The following BTBD9 variants were observed in gnomAD, a reference collection of about 807,000 sequenced individuals.
BTBD9 encodes the protein BTB/POZ domain-containing protein 9.
A neutral mutation model predicts 64.3 loss-of-function variants in BTBD9; 49 were observed. That is an observed-to-expected ratio of 0.76 (90% CI 0.61 to 0.97). BTBD9 has a LOEUF of 0.97. Ranked by LOEUF, BTBD9 falls within the 50% of genes least tolerant of loss-of-function variation. BTBD9 has a pLI of 0.00. For missense variants in BTBD9, 598 were observed against 762.1 expected, an observed-to-expected ratio of 0.78 and a Z score of 2.53; for synonymous variants, 260 against 274.7, an observed-to-expected ratio of 0.95 and a Z score of 0.53.
At chr6:38,335,735 T>C (rs574856962) in intron 7 of BTBD9, among the ~76,000 whole-genome samples, 2 of 151,918 alleles carry the variant, frequency 1.3e-5, no homozygotes, top group South Asian at 4.2e-4. Flanking sequence ...CCAGCTAATT[T>C]ATTTATTTAT....
chr6:38,231,061 G>A (rs1763589827), intron 9 of BTBD9, among the ~76,000 whole-genome samples: 1 of 152,120 alleles, frequency 6.6e-6, no homozygotes, highest in African/African-American at 2.4e-5. Flanking sequence ...TTGTTGAATG[G>A]TGAGAATTAT....
intron 6 of BTBD9, among the ~76,000 whole-genome samples, chr6:38,509,842 T>C (rs895713485): frequency 6.6e-6 from 1 of 152,202 alleles, no homozygotes; most frequent in Admixed American, 6.5e-5. Context: ...GGATTACTCA[T>C]ATTTTCCTAT....
intron 9 of BTBD9, among the ~76,000 whole-genome samples, chr6:38,215,260 T>C (rs1056501979): frequency 3.3e-5 from 5 of 152,212 alleles, no homozygotes; most frequent in African/African-American, 1.2e-4. Context: ...ACCTTTTCCA[T>C]GATATTTTCT....
rs1777177286 is a variant in BTBD9 at position 38,599,604 on chromosome 6, T to C, written c.-27-1483A>G. 2.0e-5 allele frequency among the ~76,000 whole-genome samples: 3 copies of C among 152,186 alleles called. No individual in the cohort carries two copies. The South Asian group carries it at 6.2e-4, about 32-fold the overall frequency. ...CAGAGACTAGAGAAATTGAGACAGA[T>C]ATGTTATCTCTGCTAGACCTCCACA... On this transcript the variant is annotated intron_variant, in intron 1 of 10. Coordinates refer to ENST00000481247, the MANE Select transcript of BTBD9 (RefSeq NM_001099272.2).
At chr6:38,500,834 G>A (rs1772163374) in intron 6 of BTBD9, among the ~76,000 whole-genome samples, 1 of 152,194 alleles carries the variant, frequency 6.6e-6, no homozygotes, top group Non-Finnish European at 1.5e-5. Flanking sequence ...AAGAACAGAT[G>A]AGTGAATTCA....
chr6:38,629,552 G>A (rs578242098), intron 1 of BTBD9, among the ~76,000 whole-genome samples: 41 of 152,300 alleles, frequency 2.7e-4, no homozygotes, highest in African/African-American at 5.8e-4. Flanking sequence ...GGCCGGGCAC[G>A]GTGGCTCATG....
intron 6 of BTBD9, among the ~76,000 whole-genome samples, chr6:38,456,272 G>T (rs1769802341): frequency 6.6e-6 from 1 of 152,212 alleles, no homozygotes; most frequent in Admixed American, 6.5e-5. Context: ...ACATGACTGA[G>T]CCACTGTGCC....
intron 6 of BTBD9, among the ~76,000 whole-genome samples, chr6:38,538,893 T>C (rs1002728307): frequency 3.3e-5 from 5 of 151,850 alleles, no homozygotes; most frequent in African/African-American, 7.3e-5. Flanking sequence ...ATGTGATCCC[T>C]ACACCTCAGC....
At chr6:38,584,619 C>T (rs1366046954) in intron 4 of BTBD9, among the ~76,000 whole-genome samples, 3 of 152,054 alleles carry the variant, frequency 2.0e-5, no homozygotes, top group East Asian at 1.9e-4. Context: ...GTCATTCGCC[C>T]CAGTGGATTA....
chr6:38,591,755 G>A (rs1284814374), intron 4 of BTBD9, among the ~76,000 whole-genome samples: 1 of 152,068 alleles, frequency 6.6e-6, no homozygotes, highest in South Asian at 2.1e-4. Context: ...TACATACTAT[G>A]CACTCTGTAA....
chr6:38,230,543 C>T (rs1282427779), intron 9 of BTBD9, among the ~76,000 whole-genome samples: 2 of 148,392 alleles, frequency 1.3e-5, no homozygotes, highest in Non-Finnish European at 3.0e-5. Flanking sequence ...TTACTACTCC[C>T]TTGCCTAAAA....
At chr6:38,380,551 T>TC (rs1765884583) in intron 6 of BTBD9, among the ~76,000 whole-genome samples, 1 of 152,146 alleles carries the variant, frequency 6.6e-6, no homozygotes, top group African/African-American at 2.4e-5. Context: ...GAGGGTAGGC[T>TC]GGGTGAGGTG....
intron 1 of BTBD9, among the ~76,000 whole-genome samples, chr6:38,616,866 G>C (rs893462181): frequency 2.0e-5 from 3 of 152,108 alleles, no homozygotes; most frequent in African/African-American, 7.2e-5. Flanking sequence ...CCATCTTTAA[G>C]AGCTGTAACA....
chr6:38,487,665 G>A (rs1426210287), intron 6 of BTBD9, among the ~76,000 whole-genome samples: 1 of 149,450 alleles, frequency 6.7e-6, no homozygotes, highest in Non-Finnish European at 1.5e-5. Context: ...AGGAGGAAAA[G>A]AGAAGAAAAG....
At chr6:38,632,100 C>T (rs1778384418) in intron 1 of BTBD9, among the ~76,000 whole-genome samples, 1 of 152,164 alleles carries the variant, frequency 6.6e-6, no homozygotes, top group Admixed American at 6.5e-5. Flanking sequence ...TGCACTCCAG[C>T]CTGGGCAACA....
rs773207540 is a variant in BTBD9 at position 38,598,022 on chromosome 6, G to A, written c.73C>T (p.His25Tyr). Residue 25 changes from histidine (H) to tyrosine (Y), a missense_variant, in exon 2 of 11, where the codon CAT (histidine) becomes TAT (tyrosine). Transcript: ENST00000481247. ...TCCCCAATCAACAAGGCACCAATAT[G>A]TTCAGACAAAATGTGCACATGATCA... ...EIDHVHILSEHIGALLIGEEY... is the reference protein window; with the variant it reads ...EIDHVHILSEYIGALLIGEEY... 14 of 1,613,942 alleles carry A rather than the reference G, an allele frequency of 8.7e-6. No homozygotes were observed. In the East Asian group the frequency reaches 3.1e-4, roughly 36 times the overall value.
intron 10 of BTBD9, chr6:38,179,390 C>T: frequency 2.2e-6 from 1 of 455,922 alleles, no homozygotes; most frequent in Non-Finnish European, 4.4e-6. Context: ...AGAGCGCCCA[C>T]AATGACTCTC....
intron 6 of BTBD9, among the ~76,000 whole-genome samples, chr6:38,380,465 A>G (rs375770001): frequency 3.9e-4 from 59 of 152,354 alleles, no homozygotes; most frequent in Admixed American, 1.5e-3. Context: ...ATAAAATTCT[A>G]GGAAAGAACA....
chr6:38,195,117 T>C (rs1762231878), intron 9 of BTBD9, among the ~76,000 whole-genome samples: 1 of 152,152 alleles, frequency 6.6e-6, no homozygotes, highest in Non-Finnish European at 1.5e-5. Context: ...CCCATCAGAT[T>C]CCATTTCCCC....
Sources: gnomAD v4.1 joint callset for allele counts (sites outside exome capture counted in the v4.1 genomes callset) on GRCh38, gnomAD v4.1.1 for gene constraint, MANE v1.5 for transcripts, NCBI Gene and HGNC (gene_info 2026-07-23, HGNC 2026-07-21) for gene names.